CPAMD8: variants seen among roughly 807,000 people sequenced by gnomAD.
The protein encoded by CPAMD8 is C3 and PZP like alpha-2-macroglobulin domain containing 8.
Under a neutral mutation model 224.7 loss-of-function variants are expected in CPAMD8, and 146 were observed. The observed-to-expected ratio is 0.65, with a 90% confidence interval of 0.57 to 0.75. The LOEUF (loss-of-function observed/expected upper bound fraction) is 0.75. Among genes scored for constraint, CPAMD8 ranks in the 30% least tolerant of loss-of-function variants. The pLI is 0.00. For synonymous variants in CPAMD8, 966 were observed against 1,044.6 expected, an observed-to-expected ratio of 0.92 and a Z score of 1.45; for missense variants, 2,301 against 2,537.5, an observed-to-expected ratio of 0.91 and a Z score of 2.00.
chr19:17,000,225 G>A (rs1290336707), intron 10 of CPAMD8, 189 bp downstream of exon 10: 12 of 474,258 alleles, frequency 2.5e-5, no homozygotes, highest in East Asian at 9.6e-5. Context: ...GGGCAAAGGC[G>A]AGAGGATCGC....
chr19:16,988,984 C>T (rs907040644), intron 13 of CPAMD8, among the ~76,000 whole-genome samples: 13 of 152,234 alleles, frequency 8.5e-5, no homozygotes, highest in African/African-American at 3.1e-4. Context: ...AGGTTGCATG[C>T]CCCTAATGAG....
rs369511123 is a variant in CPAMD8 at position 16,897,559 on chromosome 19, T to C, written c.5065+132A>G. 1.4e-4 allele frequency: 83 copies of C among 592,870 alleles called. 1 individual carries two copies. In the East Asian group the frequency reaches 2.2e-3, roughly 15 times the overall value. The allele number at this position is 592,870 out of a possible 1,614,324, so 36.7% of individuals were successfully genotyped here. ...CAGGCAGAGCGCCCGCCCACCTCTA[T>C]GCTGCGTTCTCCTGACTTTACGTTG... On this transcript the variant is annotated intron_variant, in intron 39 of 41. Transcript: ENST00000443236.
chr19:17,001,956 G>A (rs1243275084), intron 9 of CPAMD8, among the ~76,000 whole-genome samples: 3 of 151,674 alleles, frequency 2.0e-5, no homozygotes, highest in Non-Finnish European at 4.4e-5. Context: ...AGCAGGGAGG[G>A]AGATACTTTA....
At chr19:17,017,388 A>G (rs1280282774) in intron 3 of CPAMD8, among the ~76,000 whole-genome samples, 1 of 152,182 alleles carries the variant, frequency 6.6e-6, no homozygotes, top group African/African-American at 2.4e-5. Context: ...AATCATCCTG[A>G]AACCATTTCT....
chr19:16,993,129 C>G (rs895996196), intron 12 of CPAMD8, among the ~76,000 whole-genome samples: 3 of 152,196 alleles, frequency 2.0e-5, no homozygotes, highest in African/African-American at 7.2e-5. Flanking sequence ...GTTCCACCCG[C>G]CCAGAAGCAG....
In CPAMD8 at chr19:16,970,967, T is replaced by C. The variant is rs1348991536; in HGVS notation, c.2137A>G (p.Thr713Ala). ...LNHRQDGGLYTDEAVPAFQPH... is the reference protein window; with the variant it reads ...LNHRQDGGLYADEAVPAFQPH... ...TGGAAAGCGGGGACAGCCTCATCGG[T>C]GTAGAGGCCACCGTCCTGCCGGTGG... The change falls in exon 18 of 42, where the codon ACC (threonine) becomes GCC (alanine). Residue 713 changes from threonine (T) to alanine (A), a missense_variant. Physicochemically the swap from Thr to Ala is moderately conservative, Grantham distance 58 (BLOSUM62 0). Coordinates refer to ENST00000443236, the MANE Select transcript of CPAMD8 (RefSeq NM_015692.5). 6.2e-7 allele frequency: 1 copy of C among 1,613,344 alleles called. No individual in the cohort carries two copies. Among genetic ancestry groups the C allele is most frequent in the East Asian group, 2.2e-5 (1 of 44,848 alleles).
intron 29 of CPAMD8, among the ~76,000 whole-genome samples, chr19:16,910,319 G>A (rs552826938): frequency 7.4e-5 from 11 of 149,092 alleles, no homozygotes; most frequent in Admixed American, 2.0e-4. Context: ...ACAGGCATGC[G>A]CCATCACACC....
At chr19:17,003,733 G>C (rs1277448691) in intron 8 of CPAMD8, among the ~76,000 whole-genome samples, 1 of 147,440 alleles carries the variant, frequency 6.8e-6, no homozygotes, top group Non-Finnish European at 1.5e-5. Context: ...AGCCAAGATC[G>C]CACCACTGCA....
At position 16,906,382 on chromosome 19, in the gene CPAMD8, CTTT is replaced by C. The variant is rs56899995; in HGVS notation, c.4027+567_4027+569del. ...TCTTTCTTTCTTTCTTTCTTTCTTT[CTTT>C]CTTTCTTTCTTTCTTTCTTTCTTTC... On this transcript the variant is annotated intron_variant, in intron 30 of 41. Transcript: ENST00000443236. Among the ~76,000 whole-genome samples the C allele has an allele frequency of 5.2e-3, 367 of 70,666 alleles. 4 individuals carry two copies. Among genetic ancestry groups the C allele is most frequent in the South Asian group, 0.014 (23 of 1,638 alleles). 46.4% of individuals were successfully genotyped at this position (70,666 alleles called of 152,430 possible).
chr19:16,974,048 T>G (rs1401682234), intron 17 of CPAMD8, among the ~76,000 whole-genome samples: 1 of 151,464 alleles, frequency 6.6e-6, no homozygotes, highest in Non-Finnish European at 1.5e-5. Flanking sequence ...CAGGATGGTC[T>G]CGATCTCTTG....
rs140892830 is a variant in CPAMD8 at position 16,928,769 on chromosome 19, G to GT, written c.3144+172dup. Among the ~76,000 whole-genome samples, 9,703 of 127,738 alleles carry GT rather than the reference G, an allele frequency of 0.076. 1,039 individuals carry two copies. The highest frequency in any genetic ancestry group is 0.24 in the African/African-American group (8,784 of 36,218). 83.8% of individuals were successfully genotyped at this position (127,738 alleles called of 152,430 possible). A position where few individuals can be genotyped will look rare whatever the true frequency, so the allele number is the denominator to read the frequency against. On this transcript the variant is annotated intron_variant, in intron 24 of 41. Coordinates refer to ENST00000443236, the MANE Select transcript of CPAMD8 (RefSeq NM_015692.5). The stretch of plus-strand genomic sequence containing the variant: ...TCCTCTGCCACAGCTCTTGCTACAT[G>GT]TTTTTTTTTTTTTTTCGGTAAGCGA...
At chr19:16,976,286 G>A in intron 15 of CPAMD8, 135 bp from the exon 16 acceptor site, 1 of 591,782 alleles carries the variant, frequency 1.7e-6, no homozygotes. Context: ...GACCAGCCTG[G>A]CCAACATGGT....
intron 27 of CPAMD8, among the ~76,000 whole-genome samples, chr19:16,915,963 T>G (rs554367721): frequency 8.6e-5 from 13 of 151,250 alleles, no homozygotes; most frequent in Non-Finnish European, 1.9e-4. Context: ...TTTTCTTTCT[T>G]GATTTTCTTT....
chr19:16,919,854 C>G (rs532747132), intron 27 of CPAMD8, among the ~76,000 whole-genome samples: 5 of 152,178 alleles, frequency 3.3e-5, no homozygotes, highest in African/African-American at 9.7e-5. Context: ...GATCTTGGAG[C>G]CTTATGGTAA....
At chr19:16,904,051 GCT>G (rs2052370009) in intron 32 of CPAMD8, among the ~76,000 whole-genome samples, 173 bp downstream of exon 32, 1 of 152,174 alleles carries the variant, frequency 6.6e-6, no homozygotes, top group African/African-American at 2.4e-5. Flanking sequence ...CAGAGGCTGG[GCT>G]CCCATGGGGG....
intron 27 of CPAMD8, among the ~76,000 whole-genome samples, chr19:16,918,202 C>A (rs2144866851): frequency 6.6e-6 from 1 of 152,168 alleles, no homozygotes; most frequent in South Asian, 2.1e-4. Context: ...GCCATGTTGG[C>A]CAGGCTGGTC....
intron 34 of CPAMD8, among the ~76,000 whole-genome samples, chr19:16,903,111 A>G (rs911331976): frequency 1.3e-5 from 2 of 152,052 alleles, no homozygotes; most frequent in Non-Finnish European, 2.9e-5. Context: ...GTCTGAGTCT[A>G]GGGGTCTCCC....
chr19:16,982,300 G>A (rs1049463045), intron 13 of CPAMD8, among the ~76,000 whole-genome samples: 5 of 152,082 alleles, frequency 3.3e-5, no homozygotes, highest in African/African-American at 1.2e-4. Flanking sequence ...AGCTAAGGCG[G>A]AAGGATCACT....
chr19:16,964,304 A>T (rs558010792), intron 18 of CPAMD8, among the ~76,000 whole-genome samples: 35 of 152,308 alleles, frequency 2.3e-4, no homozygotes, highest in African/African-American at 7.2e-4. Context: ...AAGACTAATA[A>T]AGAAGAAAAG....
Sources: gnomAD v4.1 joint callset for allele counts (sites outside exome capture counted in the v4.1 genomes callset) on GRCh38, gnomAD v4.1.1 for gene constraint, MANE v1.5 for transcripts, NCBI Gene and HGNC (gene_info 2026-07-23, HGNC 2026-07-21) for gene names.